ADCY2: variants seen among roughly 807,000 people sequenced by gnomAD.
ADCY2 encodes the protein adenylate cyclase 2.
Under a neutral mutation model 125.2 loss-of-function variants are expected in ADCY2, and 31 were observed. The ratio of observed to expected loss-of-function variants is 0.25; its 90% CI spans 0.19 to 0.33. The LOEUF is 0.33. Among genes scored for constraint, ADCY2 ranks in the 10% least tolerant of loss-of-function variants. The pLI is 1.00. For synonymous variants in ADCY2, 512 were observed against 548.4 expected, an observed-to-expected ratio of 0.93 and a Z score of 0.93; for missense variants, 904 against 1,418.2, an observed-to-expected ratio of 0.64 and a Z score of 5.82.
chr5:7,756,989 T>G (rs949130575), intron 15 of ADCY2, among the ~76,000 whole-genome samples: 1 of 152,202 alleles, frequency 6.6e-6, no homozygotes, highest in African/African-American at 2.4e-5. Flanking sequence ...AAACTAAGTC[T>G]GTGGCCTGGG....
chr5:7,743,254 G>A (rs1207596452), intron 14 of ADCY2, among the ~76,000 whole-genome samples: 1 of 151,952 alleles, frequency 6.6e-6, no homozygotes, highest in Non-Finnish European at 1.5e-5. Context: ...CAGGAACAAG[G>A]GTGGAACTTG....
At position 7,491,172 on chromosome 5, in the gene ADCY2, C is replaced by T. The variant is rs961673698; in HGVS notation, c.409-29566C>T. Among the ~76,000 whole-genome samples, 6 of 152,230 alleles carry T rather than the reference C, an allele frequency of 3.9e-5. No individual in the cohort carries two copies. In the South Asian group the frequency reaches 6.2e-4, roughly 16 times the overall value. ...GTTTATCAACAAATTATAATTTTAT[C>T]TATTTAATAACTTGAATTCTATGAT... On this transcript the variant is annotated intron_variant, in intron 2 of 24. Coordinates refer to ENST00000338316, the MANE Select transcript of ADCY2 (RefSeq NM_020546.3).
At chr5:7,596,612 C>T (rs575002307) in intron 3 of ADCY2, among the ~76,000 whole-genome samples, 146 of 152,330 alleles carry the variant, frequency 9.6e-4, no homozygotes, top group African/African-American at 3.4e-3. Flanking sequence ...GGTCACCTCA[C>T]ACCTTTTTCC....
At chr5:7,419,468 C>A (rs754078930) in intron 2 of ADCY2, among the ~76,000 whole-genome samples, 9 of 152,178 alleles carry the variant, frequency 5.9e-5, no homozygotes, top group Non-Finnish European at 1.3e-4. Flanking sequence ...ATTGCCGAAG[C>A]TCAACTGAGC....
At chr5:7,488,045 C>T (rs1743007514) in intron 2 of ADCY2, among the ~76,000 whole-genome samples, 1 of 152,040 alleles carries the variant, frequency 6.6e-6, no homozygotes, top group Non-Finnish European at 1.5e-5. Flanking sequence ...TTAAAAGTAA[C>T]CAAGTGGTCT....
chr5:7,814,695 G>T (rs1745053404), intron 22 of ADCY2, among the ~76,000 whole-genome samples: 1 of 152,096 alleles, frequency 6.6e-6, no homozygotes. Context: ...TATGTCTACA[G>T]TCTCCATCTA....
At chr5:7,430,535 C>T (rs1001810629) in intron 2 of ADCY2, among the ~76,000 whole-genome samples, 4 of 140,462 alleles carry the variant, frequency 2.8e-5, no homozygotes, top group African/African-American at 7.6e-5. Flanking sequence ...TATATATATA[C>T]TATATATATA....
In ADCY2 at chr5:7,804,836, G is replaced by A. The variant is rs183870571; in HGVS notation, c.2883+144G>A. On this transcript the variant is annotated intron_variant, in intron 22 of 24. Transcript: ENST00000338316. Reference sequence around the variant, plus strand: ...TCAGGGTCAAGGTCCTATGAGAGAAGATGAAAATTCCAGACTTCTTAGAGC... The same window carrying A: ...TCAGGGTCAAGGTCCTATGAGAGAAAATGAAAATTCCAGACTTCTTAGAGC... The A allele has an allele frequency of 7.4e-4, 469 of 631,732 alleles. 1 individual carries two copies. In the African/African-American group the frequency reaches 8.1e-3, roughly 11 times the overall value. The allele number at this position is 631,732 out of a possible 1,614,324, so 39.1% of individuals were successfully genotyped here. A position where few individuals can be genotyped will look rare whatever the true frequency, so the allele number is the denominator to read the frequency against.
intron 2 of ADCY2, among the ~76,000 whole-genome samples, chr5:7,494,793 A>C (rs1237080740): frequency 2.0e-5 from 3 of 152,214 alleles, no homozygotes; most frequent in Non-Finnish European, 2.9e-5. Context: ...AGAATTCAAC[A>C]AGGTGTTAAG....
rs917702919 is a variant in ADCY2, at chr5:7,505,182, C to A, written c.409-15556C>A. On this transcript the variant is annotated intron_variant, in intron 2 of 24. Transcript: ENST00000338316. ...TACAGGTGTGAGCCACCGTGCCTGG[C>A]CTGAAGTGATTTTAAAGTAATGCAA... 2.0e-5 allele frequency among the ~76,000 whole-genome samples: 3 copies of A among 152,252 alleles called. No homozygotes were observed. In the East Asian group the frequency reaches 5.8e-4, roughly 29 times the overall value.
chr5:7,698,170 G>C, intron 6 of ADCY2, 77 bp from the exon 7 acceptor site: 6 of 1,573,340 alleles, frequency 3.8e-6, no homozygotes, highest in Middle Eastern at 1.8e-4. Flanking sequence ...CAGAGCTGGC[G>C]CTTGATGATA....
At chr5:7,589,458 A>AAAAAAGAAAG (rs1554022170) in intron 3 of ADCY2, among the ~76,000 whole-genome samples, 1 of 72,932 alleles carries the variant, frequency 1.4e-5, no homozygotes, top group Non-Finnish European at 2.8e-5. Flanking sequence ...GAAGGAAAGA[A>AAAAAAGAAAG]AAAGAAAGAA....
At chr5:7,526,931 A>G (rs1378310211) in intron 3 of ADCY2, among the ~76,000 whole-genome samples, 1 of 144,884 alleles carries the variant, frequency 6.9e-6, no homozygotes, top group Non-Finnish European at 1.5e-5. Context: ...TCTATATGAT[A>G]CATCTAGCGT....
chr5:7,802,501 C>T lies in ADCY2; in HGVS notation c.2775+137C>T. The T allele has an allele frequency of 8.3e-6, 8 of 964,580 alleles. No homozygotes were observed. In the Admixed American group the frequency reaches 1.5e-4, roughly 18 times the overall value. The allele number at this position is 964,580 out of a possible 1,614,324, so 59.8% of individuals were successfully genotyped here. ...TAATTTCTGGCAGATGGCATTAAAG[C>T]CTTTTGCTTTATTTAGGTCTCTGAC... On this transcript the variant is annotated intron_variant, in intron 21 of 24. Coordinates refer to ENST00000338316, the MANE Select transcript of ADCY2 (RefSeq NM_020546.3). The surrounding 1 kb of genome is among the most constrained non-coding windows in gnomAD (Gnocchi z 4.6).
At chr5:7,406,852 T>C (rs1049152343) in intron 1 of ADCY2, among the ~76,000 whole-genome samples, 1 of 152,232 alleles carries the variant, frequency 6.6e-6, no homozygotes, top group African/African-American at 2.4e-5. Context: ...TTTCAAGACA[T>C]GCTTCTTGAA....
chr5:7,601,040 T>A (rs1455546209), intron 3 of ADCY2, among the ~76,000 whole-genome samples: 2 of 152,156 alleles, frequency 1.3e-5, no homozygotes, highest in Non-Finnish European at 2.9e-5. Flanking sequence ...CTTTAAAATC[T>A]CTTGGAAGCT....
chr5:7,724,566 C>T lies in ADCY2; in HGVS notation c.1725C>T (p.Asp575=). The change falls in exon 13 of 25, where the codon GAC becomes GAT. Residue 575 remains aspartate, a synonymous_variant. Coordinates refer to ENST00000338316, the MANE Select transcript of ADCY2 (RefSeq NM_020546.3). ...CCAGGCAATGGCTCAAGTCTGAAGA[C>T]ATTCAGAGAATCTCACTGCTTTTCT... ...NAQKQWLKSE[D]IQRISLLFYN... The T allele has an allele frequency of 6.2e-7, 1 of 1,603,498 alleles. No homozygotes were observed. Among genetic ancestry groups the T allele is most frequent in the Non-Finnish European group, 8.5e-7 (1 of 1,177,278 alleles).
At chr5:7,807,119 C>T (rs79742081) in intron 22 of ADCY2, among the ~76,000 whole-genome samples, 9,144 of 152,116 alleles carry the variant, frequency 0.06, 952 homozygotes, top group African/African-American at 0.21. Flanking sequence ...GGAGATCTTC[C>T]GAGGCACCAC....
intron 4 of ADCY2, among the ~76,000 whole-genome samples, chr5:7,670,793 C>T (rs563036393): frequency 3.3e-4 from 50 of 152,234 alleles, no homozygotes; most frequent in African/African-American, 9.9e-4. Flanking sequence ...CTAATGCTGC[C>T]GCTGATCTGA....
Sources: allele counts gnomAD v4.1 joint callset (sites outside exome capture counted in the v4.1 genomes callset), GRCh38; gene constraint gnomAD v4.1.1; non-coding constraint Gnocchi (gnomAD v3.1); transcripts MANE v1.5; gene names NCBI Gene and HGNC (gene_info 2026-07-23, HGNC 2026-07-21).